Variants in CLYBL observed in about 807,000 individuals in gnomAD.
The protein encoded by CLYBL is citramalyl-CoA lyase, mitochondrial.
In CLYBL, 31 loss-of-function variants were observed where a neutral mutation model predicts 38.9. The observed-to-expected ratio is 0.80, with a 90% confidence interval of 0.60 to 1.08. The LOEUF (loss-of-function observed/expected upper bound fraction) is 1.08. Among genes scored for constraint, CLYBL ranks in the 50% least tolerant of loss-of-function variants. CLYBL has a pLI of 0.00. For missense variants in CLYBL, 434 were observed against 411.6 expected (o/e 1.05, Z -0.47); for synonymous variants, 171 against 158.6 (o/e 1.08, Z -0.59).
At chr13:99,798,326 C>A (rs1057168747) in intron 2 of CLYBL, among the ~76,000 whole-genome samples, 3 of 152,098 alleles carry the variant, frequency 2.0e-5, no homozygotes. Flanking sequence ...CTCTTTGGCC[C>A]ATGGGATCAT....
At chr13:99,794,584 A>T (rs1403916374) in intron 2 of CLYBL, among the ~76,000 whole-genome samples, 2 of 147,712 alleles carry the variant, frequency 1.4e-5, no homozygotes, top group Non-Finnish European at 3.0e-5. Flanking sequence ...ATTTTCATTT[A>T]TTATTATTAT....
At chr13:99,708,951 G>A (rs1196507826) in intron 1 of CLYBL, among the ~76,000 whole-genome samples, 1 of 152,020 alleles carries the variant, frequency 6.6e-6, no homozygotes, top group Non-Finnish European at 1.5e-5. Flanking sequence ...AAATTAGCCG[G>A]GCGTGGTGGC....
chr13:99,724,820 T>C (rs554235795), intron 1 of CLYBL, among the ~76,000 whole-genome samples: 2 of 152,278 alleles, frequency 1.3e-5, no homozygotes, highest in African/African-American at 4.8e-5. Flanking sequence ...TCCTCCTTAA[T>C]GAGGTCATAA....
At chr13:99,634,521 C>T (rs995272584) in intron 1 of CLYBL, among the ~76,000 whole-genome samples, 12 of 152,048 alleles carry the variant, frequency 7.9e-5, no homozygotes, top group South Asian at 2.1e-4. Flanking sequence ...AGGAAGGACA[C>T]GCAAGAAAAC....
At chr13:99,698,294 C>T (rs772233589) in intron 1 of CLYBL, among the ~76,000 whole-genome samples, 17 of 151,138 alleles carry the variant, frequency 1.1e-4, no homozygotes, top group Admixed American at 8.6e-4. Context: ...CAGGTTCAAG[C>T]TATTCTTCTG....
intron 1 of CLYBL, among the ~76,000 whole-genome samples, chr13:99,689,415 CT>C (rs2047867086): frequency 6.6e-6 from 1 of 152,192 alleles, no homozygotes; most frequent in African/African-American, 2.4e-5. Flanking sequence ...TCTAACTTCT[CT>C]TGTTATCAGT....
intron 2 of CLYBL, among the ~76,000 whole-genome samples, chr13:99,853,278 C>A (rs927608657): frequency 2.0e-5 from 3 of 151,952 alleles, no homozygotes; most frequent in Non-Finnish European, 2.9e-5. Flanking sequence ...TTATAAGCTA[C>A]CCATCTATAC....
At chr13:99,874,457 A>G (rs1423429310) in intron 7 of CLYBL, among the ~76,000 whole-genome samples, 2 of 152,084 alleles carry the variant, frequency 1.3e-5, no homozygotes, top group East Asian at 3.8e-4. Context: ...TTTTATAATA[A>G]TGGTGATTCC....
At chr13:99,610,596 C>T (rs1033026150) in intron 1 of CLYBL, among the ~76,000 whole-genome samples, 1 of 152,142 alleles carries the variant, frequency 6.6e-6, no homozygotes, top group Non-Finnish European at 1.5e-5. Context: ...AGTAAGTCTC[C>T]TAGTCTTTGC....
chr13:99,857,606 ATTGT>A (rs1178804260), intron 2 of CLYBL, among the ~76,000 whole-genome samples: 1 of 152,166 alleles, frequency 6.6e-6, no homozygotes, highest in East Asian at 1.9e-4. Context: ...GTTTCCTCAC[ATTGT>A]TTAACTCAGA....
intron 2 of CLYBL, among the ~76,000 whole-genome samples, chr13:99,791,063 G>A (rs2049905775): frequency 6.6e-6 from 1 of 152,028 alleles, no homozygotes; most frequent in Non-Finnish European, 1.5e-5. Flanking sequence ...CTTTTTTTGG[G>A]AATCTAAGTT....
At chr13:99,826,815 G>A (rs564906392) in intron 2 of CLYBL, among the ~76,000 whole-genome samples, 3 of 152,264 alleles carry the variant, frequency 2.0e-5, no homozygotes, top group Admixed American at 6.5e-5. Context: ...TGAGATGCTC[G>A]CCCTGTTGGA....
At chr13:99,856,551 TACACAGAG>T (rs2051462814) in intron 2 of CLYBL, among the ~76,000 whole-genome samples, 1 of 152,214 alleles carries the variant, frequency 6.6e-6, no homozygotes, top group Non-Finnish European at 1.5e-5. Flanking sequence ...CTGCATAGGC[TACACAGAG>T]AAGAACATGC....
At chr13:99,887,536 A>G (rs997657483) in intron 7 of CLYBL, among the ~76,000 whole-genome samples, 1 of 152,192 alleles carries the variant, frequency 6.6e-6, no homozygotes, top group African/African-American at 2.4e-5. Context: ...AGGCAGGAGG[A>G]TCACTTGAGC....
chr13:99,616,023 T>A (rs925454228), intron 1 of CLYBL, among the ~76,000 whole-genome samples: 3 of 152,066 alleles, frequency 2.0e-5, no homozygotes, highest in Admixed American at 6.6e-5. Context: ...TATTTTTTAT[T>A]TTTAGTAGAG....
At chr13:99,621,004 T>C (rs1444563484) in intron 1 of CLYBL, among the ~76,000 whole-genome samples, 2 of 152,164 alleles carry the variant, frequency 1.3e-5, no homozygotes, top group Non-Finnish European at 2.9e-5. Flanking sequence ...AGTCCCAAGC[T>C]GTGCGTTTGA....
chr13:99,755,620 G>A (rs925037784), intron 1 of CLYBL, among the ~76,000 whole-genome samples: 1 of 152,204 alleles, frequency 6.6e-6, no homozygotes, highest in Non-Finnish European at 1.5e-5. Context: ...CATCCTCAGG[G>A]AATGGATAGC....
intron 2 of CLYBL, among the ~76,000 whole-genome samples, chr13:99,807,181 C>T (rs1362053286): frequency 6.6e-6 from 1 of 152,232 alleles, no homozygotes; most frequent in Non-Finnish European, 1.5e-5. Context: ...CCACAACCCA[C>T]TGATTTCTCC....
intron 1 of CLYBL, among the ~76,000 whole-genome samples, chr13:99,722,264 A>T (rs1260944042): frequency 1.3e-5 from 2 of 151,952 alleles, no homozygotes; most frequent in Non-Finnish European, 2.9e-5. Flanking sequence ...AGGGGTGTTG[A>T]CACTCTGACC....
Sources: gnomAD v4.1 joint callset for allele counts (sites outside exome capture counted in the v4.1 genomes callset) on GRCh38, gnomAD v4.1.1 for gene constraint, MANE v1.5 for transcripts, NCBI Gene and HGNC (gene_info 2026-07-23, HGNC 2026-07-21) for gene names.